The following KIRREL3 variants were observed in gnomAD, a reference collection of about 807,000 sequenced individuals.
KIRREL3 encodes the protein kin of IRRE-like protein 3.
In KIRREL3, 36 loss-of-function variants were observed where a neutral mutation model predicts 89.7. That is an observed-to-expected ratio of 0.40 (90% CI 0.31 to 0.53). The LOEUF (loss-of-function observed/expected upper bound fraction) is 0.53, where lower values mean the gene tolerates loss of function less well. Among genes scored for constraint, KIRREL3 ranks in the 20% least tolerant of loss-of-function variants. The probability of loss-of-function intolerance (pLI) is 0.49; values close to 1 mark genes in which losing one functional copy is unlikely to be tolerated. For synonymous variants in KIRREL3, 445 were observed against 441.4 expected (o/e 1.01, Z -0.10); for missense variants, 864 against 1,056.6 (o/e 0.82, Z 2.53).
At position 126,771,725 on chromosome 11, in the gene KIRREL3, C is replaced by A. The variant is rs1051064263; in HGVS notation, c.56-208813G>T. 1.3e-5 allele frequency among the ~76,000 whole-genome samples: 2 copies of A among 152,122 alleles called. No homozygotes were observed. Among genetic ancestry groups the A allele is most frequent in the Non-Finnish European group, 1.5e-5 (1 of 68,010 alleles). On this transcript the variant is annotated intron_variant, in intron 1 of 16. Coordinates refer to ENST00000525144, the MANE Select transcript of KIRREL3 (RefSeq NM_032531.4). The surrounding 1 kb of genome is among the most constrained non-coding windows in gnomAD (Gnocchi z 4.4). Reference sequence around the variant, plus strand: ...GTGATAATGAATCATTGGAAGTGACCAATACAAGATTATCTAATGATCAAC... The same window carrying A: ...GTGATAATGAATCATTGGAAGTGACAAATACAAGATTATCTAATGATCAAC...
intron 1 of KIRREL3, among the ~76,000 whole-genome samples, chr11:126,660,409 G>A (rs1945343329): frequency 6.6e-6 from 1 of 152,192 alleles, no homozygotes; most frequent in Non-Finnish European, 1.5e-5. Context: ...ACACTGACGT[G>A]CATTGCATCA....
Position 126,446,746 on chromosome 11 carries a change from G to A in KIRREL3, c.1125+13C>T. 6.3e-7 allele frequency: 1 copy of A among 1,595,074 alleles called. No homozygotes were observed. The highest frequency in any genetic ancestry group is 1.1e-5 in the South Asian group (1 of 87,506). ...CTGCCAGAGGTGCCCCGAGGTCTGA[G>A]CTGCAGCCTCACCACTCCGGAGCCC... is the stretch of plus-strand genomic sequence containing the variant. On this transcript the variant is annotated intron_variant, in intron 9 of 16. Coordinates refer to ENST00000525144, the MANE Select transcript of KIRREL3 (RefSeq NM_032531.4).
intron 2 of KIRREL3, among the ~76,000 whole-genome samples, chr11:126,545,433 C>T (rs1938737261): frequency 6.6e-6 from 1 of 151,934 alleles, no homozygotes; most frequent in Admixed American, 6.6e-5. Flanking sequence ...AGTCTTTATA[C>T]CACCTGATGC....
At chr11:126,825,871 A>T (rs898385090) in intron 1 of KIRREL3, among the ~76,000 whole-genome samples, 2 of 152,184 alleles carry the variant, frequency 1.3e-5, no homozygotes, top group African/African-American at 4.8e-5. Flanking sequence ...CGCCGAGTTG[A>T]TACGTTAATC....
chr11:126,634,432 C>G (rs965784044), intron 1 of KIRREL3, among the ~76,000 whole-genome samples: 1 of 152,228 alleles, frequency 6.6e-6, no homozygotes, highest in Non-Finnish European at 1.5e-5. Context: ...TTCAGCCCCC[C>G]AGGCTAACAT....
chr11:126,504,260 C>G (rs1957952782), intron 4 of KIRREL3, among the ~76,000 whole-genome samples: 3 of 152,156 alleles, frequency 2.0e-5, no homozygotes, highest in Admixed American at 6.5e-5. Context: ...TGTATTACTG[C>G]AAGAGCCTCT....
intron 1 of KIRREL3, among the ~76,000 whole-genome samples, chr11:126,975,026 G>T (rs1157550473): frequency 2.6e-5 from 4 of 152,070 alleles, no homozygotes; most frequent in Non-Finnish European, 5.9e-5. Context: ...GCCTAGGCTG[G>T]TCTCGAACTC....
chr11:126,923,325 TCTTCTTCCTTCTCCTTCTC>T (rs1297081642), intron 1 of KIRREL3, among the ~76,000 whole-genome samples: 2 of 141,828 alleles, frequency 1.4e-5, no homozygotes, highest in East Asian at 2.0e-4. Flanking sequence ...TCTTCCTTCT[TCTTCTTCCTTCTCCTTCTC>T]CTTCTTCCTT....
chr11:126,784,018 A>G (rs543731349), intron 1 of KIRREL3, among the ~76,000 whole-genome samples: 21 of 152,258 alleles, frequency 1.4e-4, no homozygotes, highest in African/African-American at 5.1e-4. Flanking sequence ...ACAAATCCCC[A>G]TCGAGGGACA....
In KIRREL3 at chr11:126,455,682, G is replaced by C. The variant is rs577637798; in HGVS notation, c.848+667C>G. Among the ~76,000 whole-genome samples the C allele has an allele frequency of 1.6e-3, 243 of 152,012 alleles. No homozygotes were observed. Among genetic ancestry groups the C allele is most frequent in the Non-Finnish European group, 2.8e-3 (193 of 68,004 alleles). ...GTGGTGGCGGGCGCCTGTAGTCCCA[G>C]CTACTTGGGAGGCTGAGGCGGGAGA... On this transcript the variant is annotated intron_variant, in intron 7 of 16. Transcript: ENST00000525144. The surrounding 1 kb of genome is among the most constrained non-coding windows in gnomAD (Gnocchi z 6.4).
At chr11:126,706,514 A>C (rs907788079) in intron 1 of KIRREL3, among the ~76,000 whole-genome samples, 1 of 152,200 alleles carries the variant, frequency 6.6e-6, no homozygotes, top group African/African-American at 2.4e-5. Flanking sequence ...TAGGAACAAA[A>C]TGCTTAATAA....
Position 126,578,508 on chromosome 11 carries a change from G to A in KIRREL3, c.56-15596C>T, listed in dbSNP as rs954538666. 3.9e-5 allele frequency among the ~76,000 whole-genome samples: 6 copies of A among 152,200 alleles called. No individual in the cohort carries two copies. The highest frequency in any genetic ancestry group is 1.2e-4 in the African/African-American group (5 of 41,458). ...GATTGTGCACATAGGTGGGGACGGG[G>A]TGAGAACTTGGGGTGTGGCGTGTCC... On this transcript the variant is annotated intron_variant, in intron 1 of 16. Transcript: ENST00000525144. This position sits in a 1 kb window ranked among gnomAD's most constrained non-coding sequence, Gnocchi z 4.9.
rs369386760 is a variant in KIRREL3 at position 126,736,245 on chromosome 11, C to T, written c.56-173333G>A. On this transcript the variant is annotated intron_variant, in intron 1 of 16. Transcript: ENST00000525144. The surrounding 1 kb of genome is among the most constrained non-coding windows in gnomAD (Gnocchi z 5.0). ...ACCATTTATGGGGCCATACACTATA[C>T]GCTAGAAGTTTTACACACATTTCCT... 2.0e-4 allele frequency among the ~76,000 whole-genome samples: 30 copies of T among 152,314 alleles called. No individual in the cohort carries two copies. The highest frequency in any genetic ancestry group is 1.5e-3 in the South Asian group (7 of 4,822).
Position 126,837,493 on chromosome 11 carries a change from CACA to C in KIRREL3, c.55+162959_55+162961del. ...GGAGTCTCTATCATGGAATTACTTC[CACA>C]ATAATTACGAGGGAATCGGATCTTG... On this transcript the variant is annotated intron_variant, in intron 1 of 16. Transcript: ENST00000525144. The surrounding 1 kb of genome is among the most constrained non-coding windows in gnomAD (Gnocchi z 4.7). Among the ~76,000 whole-genome samples, 2 of 152,116 alleles carry C rather than the reference CACA, an allele frequency of 1.3e-5. No homozygotes were observed. Among genetic ancestry groups the C allele is most frequent in the Non-Finnish European group, 2.9e-5 (2 of 68,032 alleles).
chr11:126,784,041 C>A (rs1412207329), intron 1 of KIRREL3, among the ~76,000 whole-genome samples: 2 of 152,164 alleles, frequency 1.3e-5, no homozygotes, highest in African/African-American at 4.8e-5. Flanking sequence ...CTGCAAGACA[C>A]CTGGCCAGTA....
intron 1 of KIRREL3, among the ~76,000 whole-genome samples, chr11:126,866,870 C>T (rs934356378): frequency 3.9e-5 from 6 of 152,150 alleles, no homozygotes; most frequent in South Asian, 2.1e-4. Context: ...TTGTGGCCTC[C>T]GCATCCACCT....
chr11:126,696,791 C>G lies in KIRREL3; in HGVS notation c.56-133879G>C, dbSNP rs1336384648. On this transcript the variant is annotated intron_variant, in intron 1 of 16. Transcript: ENST00000525144. The surrounding 1 kb of genome is among the most constrained non-coding windows in gnomAD (Gnocchi z 4.4). ...CCCCTCTTGTCCAAACACACTGCAG[C>G]TCCCTACATACAAAGGGCAGGAGCT... Among the ~76,000 whole-genome samples, 1 of 152,156 alleles carries G rather than the reference C, an allele frequency of 6.6e-6. No individual in the cohort carries two copies. The highest frequency in any genetic ancestry group is 1.5e-5 in the Non-Finnish European group (1 of 68,026).
chr11:126,519,438 C>T lies in KIRREL3; in HGVS notation c.433+1877G>A, dbSNP rs902278382. The stretch of plus-strand genomic sequence containing the variant: ...TCCATTCTCTCATCTGTAAAACATT[C>T]GAAATAATCTGGACTTTTAATACGT... On this transcript the variant is annotated intron_variant, in intron 4 of 16. Coordinates refer to ENST00000525144, the MANE Select transcript of KIRREL3 (RefSeq NM_032531.4). The surrounding 1 kb of genome is among the most constrained non-coding windows in gnomAD (Gnocchi z 4.3). Among the ~76,000 whole-genome samples the T allele has an allele frequency of 1.3e-5, 2 of 152,192 alleles. No homozygotes were observed. The highest frequency in any genetic ancestry group is 6.5e-5 in the Admixed American group (1 of 15,290).
In KIRREL3 at chr11:126,516,147, A is replaced by C. The variant is rs1165563214; in HGVS notation, c.433+5168T>G. On this transcript the variant is annotated intron_variant, in intron 4 of 16. Transcript: ENST00000525144. The surrounding 1 kb of genome is among the most constrained non-coding windows in gnomAD (Gnocchi z 4.9). ...TGGACCTTATCTGTTTTCCTCTCTCAGTATTTGGGGCTTGACATCATTTAA... is the reference window on the plus strand; with the variant it reads ...TGGACCTTATCTGTTTTCCTCTCTCCGTATTTGGGGCTTGACATCATTTAA... Among the ~76,000 whole-genome samples the C allele has an allele frequency of 2.0e-5, 3 of 152,168 alleles. No individual in the cohort carries two copies. The East Asian group carries it at 5.8e-4, about 29-fold the overall frequency.
Sources: gnomAD v4.1 joint callset for allele counts (sites outside exome capture counted in the v4.1 genomes callset) on GRCh38, gnomAD v4.1.1 for gene constraint, Gnocchi (gnomAD v3.1) non-coding constraint, MANE v1.5 for transcripts, NCBI Gene and HGNC (gene_info 2026-07-23, HGNC 2026-07-21) for gene names.